Variants in RTF1 observed in about 807,000 individuals in gnomAD.
RTF1 encodes the protein RTF1 homolog, Paf1/RNA polymerase II complex component, also known as RNA polymerase-associated protein RTF1 homolog.
Under a neutral mutation model 95.7 loss-of-function variants are expected in RTF1, and 10 were observed. The ratio of observed to expected loss-of-function variants is 0.10; its 90% CI spans 0.06 to 0.18. The LOEUF is 0.18. Among genes scored for constraint, RTF1 ranks in the 10% least tolerant of loss-of-function variants. The pLI is 1.00. For synonymous variants in RTF1, 305 were observed against 311.8 expected (o/e 0.98, Z 0.23); for missense variants, 458 against 875.6 (o/e 0.52, Z 6.02).
At position 41,447,920 on chromosome 15, in the gene RTF1, A is replaced by G. The variant is rs560915229; in HGVS notation, c.310-4981A>G. ...GGTCATTTTCTCTACTTCCTTCTGG[A>G]TGGGGAAAGTATAAGAGCATCCCTT... On this transcript the variant is annotated intron_variant, in intron 2 of 17. Coordinates refer to ENST00000389629, the MANE Select transcript of RTF1 (RefSeq NM_015138.5). Among the ~76,000 whole-genome samples, 17 of 152,274 alleles carry G rather than the reference A, an allele frequency of 1.1e-4. No individual in the cohort carries two copies. In the South Asian group the frequency reaches 3.1e-3, roughly 28 times the overall value.
intron 4 of RTF1, among the ~76,000 whole-genome samples, chr15:41,458,720 G>A (rs2050831325): frequency 1.3e-5 from 2 of 151,994 alleles, no homozygotes; most frequent in Non-Finnish European, 2.9e-5. Context: ...CTGCACTCTA[G>A]CCTTGGTGAG....
chr15:41,419,988 T>A (rs1487167193), intron 1 of RTF1, among the ~76,000 whole-genome samples: 1 of 151,926 alleles, frequency 6.6e-6, no homozygotes, highest in African/African-American at 2.4e-5. Context: ...CCTGGCTAAT[T>A]TTTTGTATTT....
At chr15:41,466,715 A>G (rs553594756) in intron 6 of RTF1, among the ~76,000 whole-genome samples, 1 of 152,360 alleles carries the variant, frequency 6.6e-6, no homozygotes, top group South Asian at 2.1e-4. Context: ...TCAGGATCTT[A>G]AAGTCCATAC....
chr15:41,447,002 C>T (rs1467892935), intron 2 of RTF1, among the ~76,000 whole-genome samples: 2 of 152,130 alleles, frequency 1.3e-5, no homozygotes, highest in East Asian at 1.9e-4. Context: ...AGGGTTTCAC[C>T]ATGTTGGCCA....
chr15:41,452,499 C>T (rs537922471), intron 2 of RTF1, among the ~76,000 whole-genome samples: 7 of 151,986 alleles, frequency 4.6e-5, no homozygotes, highest in South Asian at 4.2e-4. Context: ...TTTGGGAGGC[C>T]GATACAGGAG....
intron 1 of RTF1, among the ~76,000 whole-genome samples, chr15:41,436,801 A>G (rs1295167272): frequency 6.6e-6 from 1 of 151,826 alleles, no homozygotes; most frequent in African/African-American, 2.4e-5. Flanking sequence ...CTCAAAAACA[A>G]TAAGAGACCA....
Position 41,429,474 on chromosome 15 carries a change from G to A in RTF1, c.199-8847G>A, listed in dbSNP as rs925000618. 4.0e-5 allele frequency among the ~76,000 whole-genome samples: 6 copies of A among 148,862 alleles called. No individual in the cohort carries two copies. In the Admixed American group the frequency reaches 4.1e-4, roughly 10 times the overall value. Reference sequence around the variant, plus strand: ...TCTCTCTCTCTCTCTTTCCAGGAGTGCTCTTTTAAAACCCTTGCTGGATTG... The same window carrying A: ...TCTCTCTCTCTCTCTTTCCAGGAGTACTCTTTTAAAACCCTTGCTGGATTG... On this transcript the variant is annotated intron_variant, in intron 1 of 17. Transcript: ENST00000389629.
chr15:41,455,976 GC>G (rs769012308), intron 3 of RTF1, among the ~76,000 whole-genome samples: 35 of 152,100 alleles, frequency 2.3e-4, no homozygotes, highest in South Asian at 6.2e-4. Context: ...ACTTTGGGAG[GC>G]CAAGACGGGG....
chr15:41,451,854 T>G (rs1008471155), intron 2 of RTF1, among the ~76,000 whole-genome samples: 2 of 152,032 alleles, frequency 1.3e-5, no homozygotes, highest in African/African-American at 4.8e-5. Flanking sequence ...ATCAGAAGTG[T>G]TTTTTGACTT....
intron 1 of RTF1, among the ~76,000 whole-genome samples, chr15:41,436,484 C>T (rs1403318784): frequency 1.4e-5 from 2 of 143,136 alleles, no homozygotes; most frequent in Non-Finnish European, 3.0e-5. Context: ...AATTGCCAGG[C>T]GTGGTGGTGG....
chr15:41,453,089 C>T, intron 3 of RTF1, 41 bp downstream of exon 3: 2 of 1,493,858 alleles, frequency 1.3e-6, no homozygotes, highest in South Asian at 2.9e-5. Flanking sequence ...AACTCCCACT[C>T]TTGTCAGCTT....
At chr15:41,440,544 C>T (rs2050728355) in intron 2 of RTF1, among the ~76,000 whole-genome samples, 2 of 139,300 alleles carry the variant, frequency 1.4e-5, no homozygotes, top group South Asian at 4.5e-4. Context: ...GGCTGGAGTG[C>T]AGTGGTGCGA....
At chr15:41,433,968 C>T (rs2050688995) in intron 1 of RTF1, among the ~76,000 whole-genome samples, 1 of 151,594 alleles carries the variant, frequency 6.6e-6, no homozygotes. Context: ...GCCTCAGCCT[C>T]CCGAGTAGCT....
At chr15:41,467,640 G>A (rs989865115) in intron 6 of RTF1, among the ~76,000 whole-genome samples, 10 of 151,946 alleles carry the variant, frequency 6.6e-5, no homozygotes, top group Admixed American at 1.3e-4. Flanking sequence ...CCTTGAACCC[G>A]GGAGACGGAG....
At chr15:41,441,929 A>G (rs182094497) in intron 2 of RTF1, among the ~76,000 whole-genome samples, 1 of 152,274 alleles carries the variant, frequency 6.6e-6, no homozygotes, top group East Asian at 1.9e-4. Context: ...TTGGCCCAAG[A>G]TACTAGCTTA....
chr15:41,456,944 C>T (rs751527026), intron 3 of RTF1, among the ~76,000 whole-genome samples: 4 of 151,948 alleles, frequency 2.6e-5, no homozygotes, highest in Non-Finnish European at 5.9e-5. Flanking sequence ...ATCAGCTGGA[C>T]GTGGTGGCGT....
intron 1 of RTF1, among the ~76,000 whole-genome samples, chr15:41,432,712 C>A (rs557625011): frequency 6.8e-6 from 1 of 147,950 alleles, no homozygotes; most frequent in Non-Finnish European, 1.5e-5. Context: ...GCCAAGGCGG[C>A]GGCTCACCTG....
intron 1 of RTF1, among the ~76,000 whole-genome samples, chr15:41,435,253 G>A (rs1453442927): frequency 6.6e-6 from 1 of 152,104 alleles, no homozygotes; most frequent in Non-Finnish European, 1.5e-5. Flanking sequence ...TAAAGATCTT[G>A]ACTGTGGTCG....
rs1283239817 is a variant in RTF1 at position 41,477,019 on chromosome 15, A to G, written c.1561-146A>G. On this transcript the variant is annotated intron_variant, in intron 12 of 17. Transcript: ENST00000389629. ...AATATAAATTATATCTTGTATTTGT[A>G]AAGTACTTCTACAGTATTCTTCCAC... 5.2e-6 allele frequency: 5 copies of G among 964,338 alleles called. No individual in the cohort carries two copies. In the Admixed American group the frequency reaches 6.4e-5, roughly 12 times the overall value. 59.7% of individuals were successfully genotyped at this position (964,338 alleles called of 1,614,324 possible). A position where few individuals can be genotyped will look rare whatever the true frequency, so the allele number is the denominator to read the frequency against.
Sources: gnomAD v4.1 joint callset for allele counts (sites outside exome capture counted in the v4.1 genomes callset) on GRCh38, gnomAD v4.1.1 for gene constraint, MANE v1.5 for transcripts, NCBI Gene and HGNC (gene_info 2026-07-23, HGNC 2026-07-21) for gene names.